Variants in SPMIP7 observed in about 807,000 individuals in gnomAD.
SPMIP7 encodes protein SPMIP7.
chr7:50,131,636 C>T, the SPMIP7 span, among the ~76,000 whole-genome samples: 1 of 152,098 alleles, frequency 6.6e-6, no homozygotes, highest in East Asian at 1.9e-4. Flanking sequence ...GAGACTGAAA[C>T]GGAGCAACCA....
At chr7:50,097,683 T>TAAAAAA in the SPMIP7 span, among the ~76,000 whole-genome samples, 1 of 142,214 alleles carries the variant, frequency 7.0e-6, no homozygotes, top group Non-Finnish European at 1.5e-5. Context: ...CATTTTATGT[T>TAAAAAA]AAAAAAAAAA....
chr7:50,101,346 A>T, the SPMIP7 span, among the ~76,000 whole-genome samples: 1 of 152,174 alleles, frequency 6.6e-6, no homozygotes, highest in Non-Finnish European at 1.5e-5. Flanking sequence ...CAGTGTGCCC[A>T]CCTAAGCCCC....
the SPMIP7 span, among the ~76,000 whole-genome samples, chr7:50,148,327 T>C: frequency 3.7e-3 from 564 of 152,366 alleles, 1 homozygote; most frequent in Middle Eastern, 6.8e-3. Flanking sequence ...TAAGACAATG[T>C]AACATATGAT....
At chr7:50,139,777 A>G in the SPMIP7 span, among the ~76,000 whole-genome samples, 3 of 152,216 alleles carry the variant, frequency 2.0e-5, no homozygotes, top group Non-Finnish European at 2.9e-5. Flanking sequence ...TCCAAAACCC[A>G]GAAACAACCA....
At chr7:50,137,797 T>C in the SPMIP7 span, among the ~76,000 whole-genome samples, 1 of 152,310 alleles carries the variant, frequency 6.6e-6, no homozygotes, top group African/African-American at 2.4e-5. Context: ...TGTTTGAATT[T>C]TCACATCTGT....
chr7:50,116,020 A>G, the SPMIP7 span, among the ~76,000 whole-genome samples: 31 of 152,194 alleles, frequency 2.0e-4, no homozygotes, highest in African/African-American at 6.5e-4. Flanking sequence ...TGGTATACAA[A>G]TTGGAGGTGA....
chr7:50,121,613 G>T, the SPMIP7 span, among the ~76,000 whole-genome samples: 2 of 151,074 alleles, frequency 1.3e-5, no homozygotes, highest in African/African-American at 4.9e-5. Flanking sequence ...TTTTTTTTCT[G>T]CCCAGTTAAA....
the SPMIP7 span, chr7:50,133,986 A>C: frequency 4.9e-6 from 4 of 809,142 alleles, no homozygotes; most frequent in Non-Finnish European, 7.6e-6. Flanking sequence ...TATGGTATAC[A>C]CACCAAGGGG....
chr7:50,157,839 G>C, the SPMIP7 span, among the ~76,000 whole-genome samples: 1 of 152,138 alleles, frequency 6.6e-6, no homozygotes, highest in South Asian at 2.1e-4. Flanking sequence ...GTTTGGGAAT[G>C]CCAGTAACCC....
the SPMIP7 span, among the ~76,000 whole-genome samples, chr7:50,144,822 C>A: frequency 6.6e-6 from 1 of 152,046 alleles, no homozygotes; most frequent in South Asian, 2.1e-4. Context: ...CTCAGTATAG[C>A]TAAACAATTA....
the SPMIP7 span, among the ~76,000 whole-genome samples, chr7:50,138,803 A>T: frequency 5.3e-5 from 8 of 152,118 alleles, no homozygotes; most frequent in Non-Finnish European, 1.2e-4. Context: ...AAGGAATGAA[A>T]TGGAAATACA....
chr7:50,143,402 A>G, the SPMIP7 span, among the ~76,000 whole-genome samples: 1 of 152,046 alleles, frequency 6.6e-6, no homozygotes, highest in East Asian at 1.9e-4. Flanking sequence ...CCTGACCTCA[A>G]GTGATCCGCC....
chr7:50,152,564 C>T, the SPMIP7 span, among the ~76,000 whole-genome samples: 1 of 152,108 alleles, frequency 6.6e-6, no homozygotes, highest in African/African-American at 2.4e-5. Flanking sequence ...TATGCTAGCA[C>T]AGTAGGAAGG....
At chr7:50,095,948 C>G in the SPMIP7 span, 1 of 574,688 alleles carries the variant, frequency 1.7e-6, no homozygotes, top group East Asian at 3.2e-5. Context: ...AATTATCTGC[C>G]AACATTTAGA....
chr7:50,146,831 T>A, the SPMIP7 span, among the ~76,000 whole-genome samples: 1 of 152,214 alleles, frequency 6.6e-6, no homozygotes, highest in East Asian at 1.9e-4. Context: ...ATCCATGACC[T>A]GCTGCTCCTC....
the SPMIP7 span, among the ~76,000 whole-genome samples, chr7:50,118,506 G>A: frequency 6.6e-6 from 1 of 152,156 alleles, no homozygotes; most frequent in Non-Finnish European, 1.5e-5. Flanking sequence ...TGGGATATCT[G>A]TATATTTACA....
the SPMIP7 span, chr7:50,136,050 A>G: frequency 7.2e-7 from 1 of 1,395,820 alleles, no homozygotes; most frequent in Non-Finnish European, 9.9e-7. Context: ...TCCACCAGAA[A>G]TTATAACGTG....
the SPMIP7 span, among the ~76,000 whole-genome samples, chr7:50,127,161 A>G: frequency 6.6e-6 from 1 of 152,108 alleles, no homozygotes; most frequent in Non-Finnish European, 1.5e-5. Context: ...TGGGAAAAGG[A>G]CAGTCTTTTC....
the SPMIP7 span, among the ~76,000 whole-genome samples, chr7:50,100,283 C>A: frequency 2.0e-5 from 3 of 152,188 alleles, no homozygotes; most frequent in Non-Finnish European, 4.4e-5. Context: ...GGTACTGCAC[C>A]AGGGGCAGGG....
Sources: gnomAD v4.1 joint callset for allele counts (sites outside exome capture counted in the v4.1 genomes callset) on GRCh38, gnomAD v4.1.1 for gene constraint, MANE v1.5 for transcripts, NCBI Gene and HGNC (gene_info 2026-07-23, HGNC 2026-07-21) for gene names.